The following PVT1 variants were observed in gnomAD, a reference collection of about 807,000 sequenced individuals.
The protein encoded by PVT1 is CXCR4/PVT1 fusion.
chr8:127,806,059 A>T (rs193087237), intron 2 of PVT1, among the ~76,000 whole-genome samples: 2 of 152,362 alleles, frequency 1.3e-5, no homozygotes, highest in East Asian at 3.9e-4. Context: ...AACACATTAC[A>T]AAACACTAAT....
intron 3 of PVT1, among the ~76,000 whole-genome samples, chr8:127,963,733 G>A (rs1816672440): frequency 6.6e-6 from 1 of 152,182 alleles, no homozygotes; most frequent in South Asian, 2.1e-4. Flanking sequence ...AGGGAATGAT[G>A]TTTGGGGAGG....
At chr8:127,805,286 C>G (rs1283645840) in intron 2 of PVT1, among the ~76,000 whole-genome samples, 1 of 151,970 alleles carries the variant, frequency 6.6e-6, no homozygotes, top group Non-Finnish European at 1.5e-5. Flanking sequence ...TCGTTGCTTA[C>G]TTTATCATTC....
intron 2 of PVT1, among the ~76,000 whole-genome samples, chr8:127,850,798 C>T (rs1013528071): frequency 1.3e-5 from 2 of 152,134 alleles, no homozygotes; most frequent in Non-Finnish European, 2.9e-5. Context: ...GTGGGTGGAT[C>T]ACCTGAGGTC....
At chr8:127,881,216 G>A (rs1013517149) in intron 2 of PVT1, among the ~76,000 whole-genome samples, 1 of 152,034 alleles carries the variant, frequency 6.6e-6, no homozygotes, top group African/African-American at 2.4e-5. Flanking sequence ...AGTCTGACTC[G>A]TGGGAGTAAC....
At chr8:127,930,313 G>C (rs546084496) in intron 3 of PVT1, among the ~76,000 whole-genome samples, 61 of 152,212 alleles carry the variant, frequency 4.0e-4, no homozygotes, top group Non-Finnish European at 7.4e-5. Context: ...TGCGCCACCA[G>C]GTCTGGCTAA....
At chr8:127,986,654 TGTGG>T (rs1816974003) in intron 3 of PVT1, among the ~76,000 whole-genome samples, 1 of 152,244 alleles carries the variant, frequency 6.6e-6, no homozygotes, top group Non-Finnish European at 1.5e-5. Context: ...CCTGTCACTC[TGTGG>T]GTGGGAAGTG....
At chr8:128,033,560 G>A (rs207469875) in intron 4 of PVT1, among the ~76,000 whole-genome samples, 6 of 152,194 alleles carry the variant, frequency 3.9e-5, no homozygotes, top group Non-Finnish European at 7.3e-5. Flanking sequence ...AGGATTTTTC[G>A]TAAAATCTTT....
intron 3 of PVT1, among the ~76,000 whole-genome samples, chr8:127,960,170 C>A (rs887130075): frequency 3.3e-5 from 5 of 152,210 alleles, no homozygotes; most frequent in Admixed American, 3.3e-4. Context: ...ATGTCCAGTA[C>A]AGCCTGTTAC....
intron 5 of PVT1, among the ~76,000 whole-genome samples, chr8:128,077,662 G>T (rs1814109115): frequency 6.6e-6 from 1 of 152,160 alleles, no homozygotes; most frequent in Admixed American, 6.5e-5. Flanking sequence ...CAGGAATGGT[G>T]ATCGTTTCCA....
intron 2 of PVT1, among the ~76,000 whole-genome samples, chr8:127,837,130 C>G (rs947256090): frequency 1.1e-4 from 17 of 152,192 alleles, no homozygotes; most frequent in African/African-American, 4.1e-4. Flanking sequence ...AACACCCCCA[C>G]GCCCCTTCAG....
At chr8:128,052,720 A>C (rs1563676018) in intron 4 of PVT1, among the ~76,000 whole-genome samples, 1 of 152,266 alleles carries the variant, frequency 6.6e-6, no homozygotes, top group Non-Finnish European at 1.5e-5. Context: ...TGTTTACCAC[A>C]GTCATAACAA....
At chr8:127,842,392 A>G (rs1005304793) in intron 2 of PVT1, among the ~76,000 whole-genome samples, 1 of 151,898 alleles carries the variant, frequency 6.6e-6, no homozygotes, top group Admixed American at 6.6e-5. Flanking sequence ...ATAGCTGGGA[A>G]TACAGGTGTG....
At chr8:127,973,351 G>T (rs1816785790) in intron 3 of PVT1, among the ~76,000 whole-genome samples, 1 of 152,180 alleles carries the variant, frequency 6.6e-6, no homozygotes, top group Admixed American at 6.5e-5. Flanking sequence ...CTACTGCCAG[G>T]AGCTACACTA....
At chr8:127,820,216 G>A (rs889942346) in intron 2 of PVT1, among the ~76,000 whole-genome samples, 4 of 152,168 alleles carry the variant, frequency 2.6e-5, no homozygotes, top group Non-Finnish European at 5.9e-5. Context: ...GAGTGGATTA[G>A]CAGCAGGCTC....
chr8:128,012,811 A>G (rs1817328649), intron 4 of PVT1, among the ~76,000 whole-genome samples: 1 of 152,124 alleles, frequency 6.6e-6, no homozygotes, highest in Non-Finnish European at 1.5e-5. Flanking sequence ...GGGGCTTGCA[A>G]AATCTACTAA....
At chr8:127,912,736 A>G (rs1815914416) in intron 3 of PVT1, among the ~76,000 whole-genome samples, 1 of 149,024 alleles carries the variant, frequency 6.7e-6, no homozygotes, top group Non-Finnish European at 1.5e-5. Context: ...TCACTCTGTC[A>G]CCCAGGCTGG....
intron 3 of PVT1, among the ~76,000 whole-genome samples, chr8:127,912,770 C>T (rs975779921): frequency 1.3e-5 from 2 of 151,724 alleles, no homozygotes; most frequent in South Asian, 2.1e-4. Flanking sequence ...GATCTTGGCT[C>T]ACTGCAACCT....
chr8:127,979,928 G>A (rs1816864406), intron 3 of PVT1, among the ~76,000 whole-genome samples: 1 of 152,166 alleles, frequency 6.6e-6, no homozygotes, highest in Non-Finnish European at 1.5e-5. Context: ...CACCCAGGTT[G>A]GAGTGTATTG....
At chr8:128,052,486 A>T (rs981988398) in intron 4 of PVT1, among the ~76,000 whole-genome samples, 2 of 152,152 alleles carry the variant, frequency 1.3e-5, no homozygotes, top group East Asian at 3.8e-4. Context: ...GTAATTGCTC[A>T]TCTGGATTTC....
Sources: allele counts gnomAD v4.1 joint callset (sites outside exome capture counted in the v4.1 genomes callset), GRCh38; gene constraint gnomAD v4.1.1; transcripts MANE v1.5; gene names NCBI Gene and HGNC (gene_info 2026-07-23, HGNC 2026-07-21).